The following SHF variants were observed in gnomAD, a reference collection of about 807,000 sequenced individuals.
The protein encoded by SHF is Src homology 2 domain containing F, also known as SH2 domain-containing adapter protein F.
A neutral mutation model predicts 42.4 loss-of-function variants in SHF; 30 were observed. That is an observed-to-expected ratio of 0.71 (90% CI 0.53 to 0.96). The LOEUF (loss-of-function observed/expected upper bound fraction) is 0.96. SHF is among the 40% of genes least tolerant of loss of function. The pLI, the probability that SHF is intolerant of heterozygous loss-of-function variation, is 0.00. For synonymous variants in SHF, 264 were observed against 269.9 expected, an observed-to-expected ratio of 0.98 and a Z score of 0.21; for missense variants, 598 against 634.0, an observed-to-expected ratio of 0.94 and a Z score of 0.61.
exon 1 of SHF, chr15:45,200,825 A>C (rs1218109140): frequency 2.2e-6 from 1 of 456,332 alleles, no homozygotes; most frequent in Non-Finnish European, 4.4e-6. Context: ...TTCAGATAGC[A>C]TGATAGTCAG....
In SHF at chr15:45,172,188, C is replaced by T; in HGVS notation, c.1119G>A (p.Leu373=). 1.2e-6 allele frequency: 2 copies of T among 1,613,910 alleles called. No homozygotes were observed. The highest frequency in any genetic ancestry group is 1.7e-6 in the Non-Finnish European group (2 of 1,179,858). ...GCAGTGCTGGATCTGTCCACTCCCCCAGGGGGCTGCTGGGCTCCATGCTTA... is the reference window on the plus strand; with the variant it reads ...GCAGTGCTGGATCTGTCCACTCCCCTAGGGGGCTGCTGGGCTCCATGCTTA... ...KPLSMEPSSP[L]GEWTDPALPL... Residue 373 remains leucine, a synonymous_variant, in exon 5 of 7, where the codon CTG becomes CTA. Transcript: ENST00000690270.
chr15:45,190,771 G>A (rs1005652240), upstream of SHF, among the ~76,000 whole-genome samples: 1 of 152,166 alleles, frequency 6.6e-6, no homozygotes, highest in Non-Finnish European at 1.5e-5. Flanking sequence ...GAGTATTCAT[G>A]ATGGGAAGAG....
In SHF at chr15:45,187,397, C is replaced by A. The variant is rs918918874; in HGVS notation, c.498+57G>T. 4.9e-6 allele frequency: 6 copies of A among 1,230,006 alleles called. No individual in the cohort carries two copies. In the African/African-American group the frequency reaches 7.8e-5, roughly 16 times the overall value. 76.2% of individuals were successfully genotyped at this position (1,230,006 alleles called of 1,614,324 possible). On this transcript the variant is annotated intron_variant, in intron 1 of 6. Coordinates refer to ENST00000690270, the MANE Select transcript of SHF (RefSeq NM_001394037.1). Reference sequence around the variant, plus strand: ...CAGGCCACCTTTGTCCCTCTCGCAGCCTCCAGACCCCTGACCGCCTTCCCT... The same window carrying A: ...CAGGCCACCTTTGTCCCTCTCGCAGACTCCAGACCCCTGACCGCCTTCCCT...
chr15:45,169,250 C>A (rs1897355073), intron 6 of SHF, among the ~76,000 whole-genome samples: 1 of 152,184 alleles, frequency 6.6e-6, no homozygotes. Flanking sequence ...TCTGCCCGGA[C>A]CCATTTCACC....
intron 4 of SHF, 144 bp downstream of exon 4, chr15:45,173,432 G>A (rs1897626568): frequency 5.6e-6 from 7 of 1,257,928 alleles, no homozygotes; most frequent in African/African-American, 1.5e-5. Flanking sequence ...GGAGGAACGT[G>A]CATTTTGTCT....
rs1567028931 is a variant in SHF, at chr15:45,171,929, C to T, written c.1234G>A (p.Val412Met). The T allele has an allele frequency of 6.2e-7, 1 of 1,613,866 alleles. No homozygotes were observed. The highest frequency in any genetic ancestry group is 1.3e-5 in the African/African-American group (1 of 75,024). The change falls in exon 6 of 7, where the codon GTG becomes ATG. Residue 412 changes from valine (V) to methionine (M), a missense_variant. Around this residue, in one of 2 missense-constraint regions of SHF, gnomAD observed 439 missense variants for 524.6 expected, o/e 0.84. Transcript: ENST00000690270. The part of the protein sequence containing the change: ...LRLCKEASYL[V>M]RNSETSKNDF... ...TTCTTGCTGGTCTCACTGTTGCGCA[C>T]CAGGTAGCTGGCCTCTTTGCACAGC...
intron 1 of SHF, 51 bp downstream of exon 1, chr15:45,187,403 G>T: frequency 8.1e-7 from 1 of 1,230,964 alleles, no homozygotes; most frequent in African/African-American, 1.6e-5. Context: ...GCAGCCTCCA[G>T]ACCCCTGACC....
At position 45,179,724 on chromosome 15, in the gene SHF, G is replaced by C. The variant is rs150842338; in HGVS notation, c.499-1418C>G. On this transcript the variant is annotated intron_variant, in intron 1 of 6. Transcript: ENST00000690270. ...GCACTGCACCACTGGGTTGACAGGC[G>C]ATGACAGGAGGTGGCTCCAGGGCCT... Among the ~76,000 whole-genome samples the C allele has an allele frequency of 2.0e-5, 3 of 152,294 alleles. No individual in the cohort carries two copies. The East Asian group carries it at 5.8e-4, about 29-fold the overall frequency.
At chr15:45,176,644 A>G (rs770991901) in intron 2 of SHF, among the ~76,000 whole-genome samples, 1 of 151,976 alleles carries the variant, frequency 6.6e-6, no homozygotes, top group Non-Finnish European at 1.5e-5. Flanking sequence ...CCATTGCCAT[A>G]AAGACCTTTC....
chr15:45,178,128 G>A, intron 2 of SHF, 37 bp downstream of exon 2: 2 of 1,600,324 alleles, frequency 1.2e-6, no homozygotes, highest in East Asian at 2.2e-5. Context: ...GCAGAGCCCA[G>A]GCCTCAGGGA....
chr15:45,188,387 A>G (rs1371095280), upstream of SHF, among the ~76,000 whole-genome samples: 2 of 152,148 alleles, frequency 1.3e-5, no homozygotes, highest in Non-Finnish European at 2.9e-5. Context: ...CTGGGAAACT[A>G]TAATCTAGGA....
chr15:45,171,752 C>T lies in SHF; in HGVS notation c.1280+131G>A, dbSNP rs1897499253. ...AGCAGGGGCTGAGTCTCAGACATCT[C>T]AGGACCCCCAGTGCCTGGGGATTGT... On this transcript the variant is annotated intron_variant, in intron 6 of 6. Transcript: ENST00000690270. 3 of 961,348 alleles carry T rather than the reference C, an allele frequency of 3.1e-6. No homozygotes were observed. The East Asian group carries it at 7.9e-5, about 25-fold the overall frequency. The allele number at this position is 961,348 out of a possible 1,614,324, so 59.6% of individuals were successfully genotyped here.
chr15:45,199,650 T>A (rs546897487), intron 1 of SHF, among the ~76,000 whole-genome samples: 1 of 152,242 alleles, frequency 6.6e-6, no homozygotes, highest in South Asian at 2.1e-4. Context: ...CTCATTCAAC[T>A]CAACACGTCC....
At chr15:45,188,804 T>A, upstream of SHF, among the ~76,000 whole-genome samples, 1 of 152,184 alleles carries the variant, frequency 6.6e-6, no homozygotes, top group East Asian at 1.9e-4. Flanking sequence ...AGTCAATAAA[T>A]CAAGTCTAGA....
chr15:45,191,187 C>T (rs1297907074), upstream of SHF, among the ~76,000 whole-genome samples: 2 of 152,158 alleles, frequency 1.3e-5, no homozygotes, highest in African/African-American at 2.4e-5. Flanking sequence ...ACCTCAACCT[C>T]CCGCGTGTGA....
At chr15:45,177,861 G>A (rs1028743972) in intron 2 of SHF, among the ~76,000 whole-genome samples, 1 of 152,080 alleles carries the variant, frequency 6.6e-6, no homozygotes, top group Non-Finnish European at 1.5e-5. Flanking sequence ...CCCTCCCAAG[G>A]CTAGTGGTTC....
At chr15:45,175,935 C>T (rs1278533095) in intron 2 of SHF, among the ~76,000 whole-genome samples, 1 of 151,924 alleles carries the variant, frequency 6.6e-6, no homozygotes, top group African/African-American at 2.4e-5. Flanking sequence ...TCTCCCACCT[C>T]AGCCTCCTGA....
At chr15:45,169,650 G>T (rs1475870383) in intron 6 of SHF, among the ~76,000 whole-genome samples, 1 of 152,208 alleles carries the variant, frequency 6.6e-6, no homozygotes, top group Non-Finnish European at 1.5e-5. Context: ...GTCCACCTGG[G>T]GAATTGTCTC....
At chr15:45,180,530 G>T (rs1898073901) in intron 1 of SHF, among the ~76,000 whole-genome samples, 1 of 152,240 alleles carries the variant, frequency 6.6e-6, no homozygotes, top group Non-Finnish European at 1.5e-5. Context: ...CAGTTGAAGA[G>T]ATTTGAAAGC....
Sources: allele counts gnomAD v4.1 joint callset (sites outside exome capture counted in the v4.1 genomes callset), GRCh38; gene constraint gnomAD v4.1.1; regional missense constraint gnomAD v4.1.1; transcripts MANE v1.5; gene names NCBI Gene and HGNC (gene_info 2026-07-23, HGNC 2026-07-21).